Variants in KIAA2012 observed in about 807,000 individuals in gnomAD.
KIAA2012 encodes uncharacterized protein KIAA2012.
A neutral mutation model predicts 150.6 loss-of-function variants in KIAA2012; 125 were observed. The observed-to-expected ratio is 0.83, with a 90% CI of 0.72 to 0.96. The LOEUF is 0.96. KIAA2012 is among the 40% of genes least tolerant of loss of function. The pLI, the probability that KIAA2012 is intolerant of heterozygous loss-of-function variation, is 0.00. For missense variants in KIAA2012, 1,219 were observed against 1,354.9 expected, an observed-to-expected ratio of 0.90 and a Z score of 1.57; for synonymous variants, 462 against 504.7, an observed-to-expected ratio of 0.92 and a Z score of 1.13.
At chr2:202,176,662 A>G (rs1236736787) in intron 15 of KIAA2012, among the ~76,000 whole-genome samples, 1 of 152,212 alleles carries the variant, frequency 6.6e-6, no homozygotes, top group Non-Finnish European at 1.5e-5. Flanking sequence ...AAAGAAAAAG[A>G]CAATCAACCC....
chr2:202,137,672 C>A (rs145475673), intron 12 of KIAA2012: 5 of 152,302 alleles, frequency 3.3e-5, no homozygotes, highest in Admixed American at 6.5e-5. Flanking sequence ...TATCCTTTTG[C>A]GCCATGGAGT....
chr2:202,161,445 T>C (rs1691655154), intron 14 of KIAA2012, among the ~76,000 whole-genome samples: 1 of 152,006 alleles, frequency 6.6e-6, no homozygotes, highest in Non-Finnish European at 1.5e-5. Context: ...AATAGAAAAA[T>C]ATAACATGTG....
At chr2:202,093,308 T>C (rs933538976) in intron 4 of KIAA2012, 123 bp downstream of exon 4, 4 of 974,672 alleles carry the variant, frequency 4.1e-6, no homozygotes, top group African/African-American at 3.3e-5. Context: ...CCTCAATCTG[T>C]AAAATGAGGG....
At chr2:202,139,773 A>G (rs1691161559) in intron 13 of KIAA2012, among the ~76,000 whole-genome samples, 1 of 152,188 alleles carries the variant, frequency 6.6e-6, no homozygotes, top group Non-Finnish European at 1.5e-5. Context: ...GGATCTAGAG[A>G]CAGAGTTTTT....
Position 202,197,862 on chromosome 2 carries a change from TAA to T in KIAA2012, c.3407+862_3407+863del, listed in dbSNP as rs71025286. 2.4e-3 allele frequency: 273 copies of T among 114,080 alleles called. 2 individuals are homozygous for T. The highest frequency in any genetic ancestry group is 5.6e-3 in the East Asian group (21 of 3,728). The allele number at this position is 114,080 out of a possible 1,614,324, so 7.1% of individuals were successfully genotyped here. On this transcript the variant is annotated intron_variant, in intron 22 of 23. Transcript: ENST00000498697. ...CTGGGTGACAGAGCAAGACTCTCTT[TAA>T]AAAAAAAAAAAAAAAAAAGGCAGGG...
chr2:202,115,643 A>G (rs1269766256), intron 11 of KIAA2012: 3 of 151,838 alleles, frequency 2.0e-5, no homozygotes, highest in African/African-American at 7.3e-5. Flanking sequence ...CATCTCCATC[A>G]TATGTCCAGG....
intron 11 of KIAA2012, chr2:202,115,146 GA>G (rs972256852): frequency 6.5e-6 from 1 of 153,208 alleles, no homozygotes; most frequent in African/African-American, 2.4e-5. Flanking sequence ...ACAGTATACT[GA>G]AAAAAATTTT....
rs141947431 is a variant in KIAA2012 at position 202,165,459 on chromosome 2, C to T, written c.2119+103C>T. 6.5e-4 allele frequency: 736 copies of T among 1,132,896 alleles called. 1 individual carries two copies. In the African/African-American group the frequency reaches 8.6e-3, roughly 13 times the overall value. The allele number at this position is 1,132,896 out of a possible 1,614,324, so 70.2% of individuals were successfully genotyped here. On this transcript the variant is annotated intron_variant, in intron 15 of 23. Coordinates refer to ENST00000498697, the MANE Select transcript of KIAA2012 (RefSeq NM_001277372.4). ...ATGGGAGGCCAGGCACGGTGGCTCA[C>T]GCCTGTAGTCCCAGCACTTTGTGAG... is the stretch of plus-strand genomic sequence containing the variant.
rs1266953483 is a variant in KIAA2012, at chr2:202,184,860, G to C, written c.2210+17G>C. ...GCAAAAAGTGTAAGTGTTCAAAGTT[G>C]TAATAACATAGGCTTCTCTGCTTTT... is the stretch of plus-strand genomic sequence containing the variant. On this transcript the variant is annotated intron_variant, in intron 16 of 23. Coordinates refer to ENST00000498697, the MANE Select transcript of KIAA2012 (RefSeq NM_001277372.4). 2 of 1,522,174 alleles carry C rather than the reference G, an allele frequency of 1.3e-6. No individual in the cohort carries two copies. The highest frequency in any genetic ancestry group is 1.2e-5 in the South Asian group (1 of 80,498). The allele number at this position is 1,522,174 out of a possible 1,614,324, so 94.3% of individuals were successfully genotyped here.
chr2:202,127,066 A>T (rs955841542), intron 12 of KIAA2012, among the ~76,000 whole-genome samples: 1 of 152,080 alleles, frequency 6.6e-6, no homozygotes, highest in African/African-American at 2.4e-5. Context: ...AACACTAAAA[A>T]GGATTTGCAA....
In KIAA2012 at chr2:202,074,795, G is replaced by A. The variant is rs542051635; in HGVS notation, c.85-96G>A. Reference sequence around the variant, plus strand: ...CATGTGAACAGTTCAGAGAAAATCAGTAACTAAAAAAATGCCGAAGGCTTT... The same window carrying A: ...CATGTGAACAGTTCAGAGAAAATCAATAACTAAAAAAATGCCGAAGGCTTT... On this transcript the variant is annotated intron_variant, in intron 1 of 23. Coordinates refer to ENST00000498697, the MANE Select transcript of KIAA2012 (RefSeq NM_001277372.4). The A allele has an allele frequency of 2.7e-4, 344 of 1,258,606 alleles. 5 individuals carry two copies. The South Asian group carries it at 5.2e-3, about 19-fold the overall frequency. The allele number at this position is 1,258,606 out of a possible 1,614,324, so 78.0% of individuals were successfully genotyped here. A position where few individuals can be genotyped will look rare whatever the true frequency, so the allele number is the denominator to read the frequency against.
Position 202,105,756 on chromosome 2 carries a change from C to T in KIAA2012, c.1325-5C>T, listed in dbSNP as rs1310594886. The T allele has an allele frequency of 6.5e-7, 1 of 1,550,140 alleles. No individual in the cohort carries two copies. ...CTACAATTCAGCCTCCTCTTTGTCTCCTAGGTGCTCCACACCCTGAGTCAG... is the reference window on the plus strand; with the variant it reads ...CTACAATTCAGCCTCCTCTTTGTCTTCTAGGTGCTCCACACCCTGAGTCAG... On this transcript the variant is annotated splice_region_variant and splice_polypyrimidine_tract_variant and intron_variant, in intron 8 of 23. Coordinates refer to ENST00000498697, the MANE Select transcript of KIAA2012 (RefSeq NM_001277372.4).
chr2:202,161,430 T>A (rs1226246689), intron 14 of KIAA2012, among the ~76,000 whole-genome samples: 1 of 152,190 alleles, frequency 6.6e-6, no homozygotes, highest in East Asian at 1.9e-4. Flanking sequence ...TGTATTTATT[T>A]TACAAATAGA....
At chr2:202,186,865 C>G in intron 16 of KIAA2012, 68 bp from the exon 17 acceptor site, 2 of 1,495,356 alleles carry the variant, frequency 1.3e-6, no homozygotes, top group Non-Finnish European at 1.8e-6. Context: ...GATGTTGGCT[C>G]ACTTGCCCTC....
intron 23 of KIAA2012, among the ~76,000 whole-genome samples, 200 bp from the exon 24 acceptor site, chr2:202,204,798 A>G (rs906171750): frequency 9.2e-5 from 14 of 152,348 alleles, no homozygotes; most frequent in African/African-American, 2.9e-4. Flanking sequence ...CTGAACTTAA[A>G]TATGTCATAT....
At chr2:202,161,331 C>G (rs1162496573) in intron 14 of KIAA2012, among the ~76,000 whole-genome samples, 3 of 152,196 alleles carry the variant, frequency 2.0e-5, no homozygotes, top group Non-Finnish European at 4.4e-5. Flanking sequence ...TGCCAGTGCT[C>G]TAAATACAGC....
Position 202,105,794 on chromosome 2 carries a change from G to C in KIAA2012, c.1358G>C (p.Ser453Thr). The change falls in exon 9 of 24, where the codon AGC becomes ACC. Residue 453 changes from serine to threonine, a missense_variant. Transcript: ENST00000498697. ...APHPESEPES[S>T]EESTPVWRPP... is the part of the protein sequence containing the mutation. ...CACCCTGAGTCAGAACCAGAAAGCA[G>C]CGAAGAATCCACACCTGTGTGGAGA... The C allele has an allele frequency of 6.4e-7, 1 of 1,550,660 alleles. No homozygotes were observed. Among genetic ancestry groups the C allele is most frequent in the Non-Finnish European group, 8.7e-7 (1 of 1,147,010 alleles).
At chr2:202,122,621 C>T (rs1050689546) in intron 11 of KIAA2012, among the ~76,000 whole-genome samples, 1 of 152,058 alleles carries the variant, frequency 6.6e-6, no homozygotes, top group Non-Finnish European at 1.5e-5. Context: ...CTGTCTCAGC[C>T]TCCCAAGTAG....
At chr2:202,164,388 C>T (rs137983595) in intron 14 of KIAA2012, among the ~76,000 whole-genome samples, 97 of 152,304 alleles carry the variant, frequency 6.4e-4, no homozygotes, top group African/African-American at 2.2e-3. Flanking sequence ...GAGTTAGGAC[C>T]TGGGAATCAT....
Sources: gnomAD v4.1 joint callset for allele counts (sites outside exome capture counted in the v4.1 genomes callset) on GRCh38, gnomAD v4.1.1 for gene constraint, MANE v1.5 for transcripts, NCBI Gene and HGNC (gene_info 2026-07-23, HGNC 2026-07-21) for gene names.